The following ARHGAP17 variants were observed in gnomAD, a reference collection of about 807,000 sequenced individuals.
The protein encoded by ARHGAP17 is rho GTPase-activating protein 17.
ARHGAP17 carries 57 observed loss-of-function variants against 99.5 expected under a neutral mutation model. The observed-to-expected ratio is 0.57, with a 90% CI of 0.46 to 0.71. ARHGAP17 has a LOEUF of 0.71. Among genes scored for constraint, ARHGAP17 ranks in the 30% least tolerant of loss-of-function variants. The pLI is 0.00. For synonymous variants in ARHGAP17, 417 were observed against 429.6 expected, an observed-to-expected ratio of 0.97 and a Z score of 0.36; for missense variants, 1,000 against 1,122.4, an observed-to-expected ratio of 0.89 and a Z score of 1.56.
At chr16:24,938,792 GAAAAA>G (rs2051220233) in intron 17 of ARHGAP17, among the ~76,000 whole-genome samples, 1 of 141,592 alleles carries the variant, frequency 7.1e-6, no homozygotes, top group Admixed American at 7.1e-5. Context: ...AAAAAAAAAA[GAAAAA>G]AGAAAAGCTA....
chr16:24,935,322 T>C lies in ARHGAP17; in HGVS notation c.1894+148A>G, dbSNP rs540938301. 71 of 1,029,438 alleles carry C rather than the reference T, an allele frequency of 6.9e-5. No homozygotes were observed. The African/African-American group carries it at 9.4e-4, about 14-fold the overall frequency. 63.8% of individuals were successfully genotyped at this position (1,029,438 alleles called of 1,614,324 possible). On this transcript the variant is annotated intron_variant, in intron 18 of 19. Transcript: ENST00000289968. ...TTTTTTCCTTTTTCTTTAATGACTT[T>C]TCTCTTGAATGACTGAATTTTCTGC... is the stretch of plus-strand genomic sequence containing the variant.
At chr16:24,937,550 G>C (rs1448480727) in intron 17 of ARHGAP17, among the ~76,000 whole-genome samples, 1 of 152,174 alleles carries the variant, frequency 6.6e-6, no homozygotes, top group African/African-American at 2.4e-5. Context: ...TACATGCATA[G>C]GGCACAATTA....
Position 24,930,837 on chromosome 16 carries a change from G to C in ARHGAP17, c.2462C>G (p.Ala821Gly), listed in dbSNP as rs748943077. ...TGTGTTGGTGAGGCTGCTGTCCCCA[G>C]CTGAGTGGACACCAGGAGGTTGGGG... Reference protein sequence around the residue: ...PPPQPPGVHSAGDSSLTNTAP... With the variant: ...PPPQPPGVHSGGDSSLTNTAP... The change falls in exon 19 of 20, where the codon GCT becomes GGT. Residue 821 changes from alanine (A) to glycine (G), a missense_variant. Transcript: ENST00000289968. The C allele has an allele frequency of 6.2e-6, 10 of 1,614,000 alleles. No homozygotes were observed. In the Admixed American group the frequency reaches 8.3e-5, roughly 13 times the overall value.
At chr16:24,973,607 T>C (rs1271591589) in intron 3 of ARHGAP17, among the ~76,000 whole-genome samples, 1 of 152,210 alleles carries the variant, frequency 6.6e-6, no homozygotes, top group African/African-American at 2.4e-5. Context: ...CCCTCCTTTA[T>C]AGGGCAGACA....
chr16:24,935,615 T>C lies in ARHGAP17; in HGVS notation c.1749A>G (p.Val583=), dbSNP rs758524134. 8 of 1,613,966 alleles carry C rather than the reference T, an allele frequency of 5.0e-6. No individual in the cohort carries two copies. The East Asian group carries it at 8.9e-5, about 18-fold the overall frequency. The change falls in exon 18 of 20, where the codon GTA becomes GTG. Residue 583 remains valine (V), a synonymous_variant. Coordinates refer to ENST00000289968, the MANE Select transcript of ARHGAP17 (RefSeq NM_001006634.3). The part of the protein sequence containing the change: ...DGSPPKPKDP[V]SAAVPAPGRN... ...TCCCTGGTGCTGGCACAGCTGCAGA[T>C]ACAGGGTCCTTCGGTTTGGGAGGAC...
At chr16:24,979,484 G>A (rs2052611209) in intron 1 of ARHGAP17, among the ~76,000 whole-genome samples, 1 of 152,082 alleles carries the variant, frequency 6.6e-6, no homozygotes, top group African/African-American at 2.4e-5. Flanking sequence ...AAAGATGCAA[G>A]CCTAGACCAC....
rs1284803642 is a variant in ARHGAP17, at chr16:24,952,983, G to A, written c.912C>T (p.Asp304=). 5 of 1,614,188 alleles carry A rather than the reference G, an allele frequency of 3.1e-6. No individual in the cohort carries two copies. In the South Asian group the frequency reaches 4.4e-5, roughly 14 times the overall value. The part of the protein sequence containing the change: ...SKLKKLKAAL[D]CSTSHLDEFY... ...ACTCATCCAGGTGAGAAGTAGAACA[G>A]TCCAAAGCAGCTTTCAGCTTCTTTA... The change falls in exon 11 of 20, where the codon GAC becomes GAT. Residue 304 remains aspartate (D), a synonymous_variant. Transcript: ENST00000289968.
intron 6 of ARHGAP17, among the ~76,000 whole-genome samples, chr16:24,964,738 T>C (rs2052120679): frequency 6.6e-6 from 1 of 152,174 alleles, no homozygotes; most frequent in Non-Finnish European, 1.5e-5. Flanking sequence ...TGAGAACTCC[T>C]TGTGGCTCTT....
At chr16:24,983,040 T>C (rs2052751217) in intron 1 of ARHGAP17, among the ~76,000 whole-genome samples, 1 of 122,590 alleles carries the variant, frequency 8.2e-6, no homozygotes, top group African/African-American at 3.2e-5. Flanking sequence ...GGTCTCGTTC[T>C]GTCACCCAGG....
chr16:24,982,980 A>ATATATATATT (rs1555467420), intron 1 of ARHGAP17, among the ~76,000 whole-genome samples: 4 of 16,878 alleles, frequency 2.4e-4, no homozygotes, highest in East Asian at 1.2e-3. Context: ...ATATATATAT[A>ATATATATATT]TATATATATA....
intron 2 of ARHGAP17, among the ~76,000 whole-genome samples, chr16:24,978,508 G>C (rs1192165194): frequency 6.6e-6 from 1 of 152,144 alleles, no homozygotes; most frequent in East Asian, 1.9e-4. Flanking sequence ...GCAAATCAAG[G>C]GATGTTTCAC....
intron 1 of ARHGAP17, among the ~76,000 whole-genome samples, chr16:24,995,708 CT>C (rs1290528107): frequency 6.6e-6 from 1 of 152,116 alleles, no homozygotes; most frequent in Non-Finnish European, 1.5e-5. Context: ...AACTGAAGGA[CT>C]GCGGAAAACA....
intron 1 of ARHGAP17, among the ~76,000 whole-genome samples, chr16:24,984,336 C>T (rs2052791469): frequency 6.6e-6 from 1 of 152,148 alleles, no homozygotes; most frequent in Admixed American, 6.6e-5. Context: ...GTCATCACTC[C>T]TCCCCAGCGG....
chr16:24,934,670 T>A (rs1385060407), intron 18 of ARHGAP17, among the ~76,000 whole-genome samples: 1 of 151,414 alleles, frequency 6.6e-6, no homozygotes, highest in Non-Finnish European at 1.5e-5. Flanking sequence ...TTGACCAGAT[T>A]GGTCTCCAAC....
Position 24,943,815 on chromosome 16 carries a change from A to G in ARHGAP17, c.1289T>C (p.Val430Ala). 6.2e-7 allele frequency: 1 copy of G among 1,614,222 alleles called. No homozygotes were observed. Among genetic ancestry groups the G allele is most frequent in the Non-Finnish European group, 8.5e-7 (1 of 1,180,036 alleles). Residue 430 changes from valine (V) to alanine (A), a missense_variant, in exon 15 of 20, where the codon GTG (valine) becomes GCG (alanine). This residue lies in a region of ARHGAP17 where 472 missense variants were observed against 611.1 expected (regional missense o/e 0.77). Transcript: ENST00000289968. ...AAATSVHVVAVIEPIIQHADW... is the reference protein window; with the variant it reads ...AAATSVHVVAAIEPIIQHADW... ...GGCATGCTGAATGATGGGTTCAATC[A>G]CTGCAACCACATGGACGGATGTGGC... is the stretch of plus-strand genomic sequence containing the variant.
At position 24,943,866 on chromosome 16, in the gene ARHGAP17, C is replaced by T. The variant is rs376242786; in HGVS notation, c.1242-4G>A. On this transcript the variant is annotated splice_region_variant and splice_polypyrimidine_tract_variant and intron_variant, in intron 14 of 19. Coordinates refer to ENST00000289968, the MANE Select transcript of ARHGAP17 (RefSeq NM_001006634.3). ...TGCTGCCATTTCAGCAAGTGTTCTG[C>T]AAAGCAAGTTCACAAAATTAAAATA... The T allele has an allele frequency of 5.0e-6, 8 of 1,613,672 alleles. No individual in the cohort carries two copies. Among genetic ancestry groups the T allele is most frequent in the Non-Finnish European group, 6.8e-6 (8 of 1,179,778 alleles).
chr16:24,996,881 T>G (rs1226236176), intron 1 of ARHGAP17, among the ~76,000 whole-genome samples: 2 of 151,406 alleles, frequency 1.3e-5, no homozygotes, highest in Non-Finnish European at 2.9e-5. Flanking sequence ...AGGCCAGGAG[T>G]TGGAGACAAG....
intron 19 of ARHGAP17, among the ~76,000 whole-genome samples, chr16:24,928,589 C>T (rs937965083): frequency 2.6e-5 from 4 of 152,102 alleles, no homozygotes; most frequent in Non-Finnish European, 5.9e-5. Context: ...ATTGTGGAAT[C>T]GCACCCGGGC....
intron 1 of ARHGAP17, among the ~76,000 whole-genome samples, chr16:24,984,017 G>A (rs1046520121): frequency 3.9e-5 from 6 of 152,202 alleles, no homozygotes; most frequent in African/African-American, 1.4e-4. Context: ...TCACTTGCCA[G>A]GCAAGGAGAA....
Sources: allele counts gnomAD v4.1 joint callset (sites outside exome capture counted in the v4.1 genomes callset), GRCh38; gene constraint gnomAD v4.1.1; regional missense constraint gnomAD v4.1.1; transcripts MANE v1.5; gene names NCBI Gene and HGNC (gene_info 2026-07-23, HGNC 2026-07-21).